The following CDC5L variants were observed in gnomAD, a reference collection of about 807,000 sequenced individuals.
CDC5L encodes the protein cell division cycle 5-like protein.
CDC5L carries 18 observed loss-of-function variants against 104.1 expected under a neutral mutation model. That is an observed-to-expected ratio of 0.17 (90% CI 0.12 to 0.26). CDC5L has a LOEUF of 0.26. CDC5L is among the 10% of genes least tolerant of loss of function. The pLI, the probability that CDC5L is intolerant of heterozygous loss-of-function variation, is 1.00. For missense variants in CDC5L, 673 were observed against 956.9 expected (o/e 0.70, Z 3.91); for synonymous variants, 331 against 322.7 (o/e 1.03, Z -0.28).
At position 44,392,657 on chromosome 6, in the gene CDC5L, T is replaced by C. The variant is rs773498082; in HGVS notation, c.150-10T>C. 5.0e-6 allele frequency: 8 copies of C among 1,611,708 alleles called. No individual in the cohort carries two copies. Among genetic ancestry groups the C allele is most frequent in the African/African-American group, 1.3e-5 (1 of 74,792 alleles). ...ACTGATTAATATATAAAATGATCTATGTTTAATAGGTATGAATGGCTGGAT... is the reference window on the plus strand; with the variant it reads ...ACTGATTAATATATAAAATGATCTACGTTTAATAGGTATGAATGGCTGGAT... On this transcript the variant is annotated splice_polypyrimidine_tract_variant and intron_variant, in intron 2 of 15. Coordinates refer to ENST00000371477, the MANE Select transcript of CDC5L (RefSeq NM_001253.4).
intron 5 of CDC5L, among the ~76,000 whole-genome samples, chr6:44,398,820 A>G (rs1581643997): frequency 3.3e-5 from 5 of 152,362 alleles, no homozygotes; most frequent in Admixed American, 3.3e-4. Flanking sequence ...CTCTCTCAAC[A>G]TAGATGTGCA....
At position 44,422,789 on chromosome 6, in the gene CDC5L, C is replaced by T. The variant is rs745967167; in HGVS notation, c.1384C>T (p.Pro462Ser). 3.7e-6 allele frequency: 6 copies of T among 1,610,618 alleles called. No homozygotes were observed. Among genetic ancestry groups the T allele is most frequent in the Middle Eastern group, 3.4e-4 (2 of 5,850 alleles). Residue 462 changes from proline to serine, a missense_variant, in exon 10 of 16, where the codon CCC becomes TCC. Transcript: ENST00000371477. ...GGATGGAATGGCAGACTATAGTGAT[C>T]CCTCTTACGTGAAGCAGATGGTAAA... is the stretch of plus-strand genomic sequence containing the variant. ...PEDGMADYSD[P>S]SYVKQMERES...
At chr6:44,400,032 T>C (rs1297216702) in intron 5 of CDC5L, among the ~76,000 whole-genome samples, 2 of 152,184 alleles carry the variant, frequency 1.3e-5, no homozygotes, top group Non-Finnish European at 2.9e-5. Context: ...ATAAGCTTTG[T>C]GCTTTTGAAT....
Position 44,446,664 on chromosome 6 carries a change from T to G in CDC5L, c.2362T>G (p.Tyr788Asp). The G allele has an allele frequency of 1.3e-6, 2 of 1,598,198 alleles. No individual in the cohort carries two copies. Among genetic ancestry groups the G allele is most frequent in the Non-Finnish European group, 1.7e-6 (2 of 1,172,456 alleles). Residue 788 changes from tyrosine (Y) to aspartate (D), a missense_variant, in exon 16 of 16, where the codon TAT becomes GAT. Tyr to Asp is a radical substitution (Grantham distance 160). Around this residue, in one of 4 missense-constraint regions of CDC5L, gnomAD observed 578 missense variants for 737.0 expected, o/e 0.78. Coordinates refer to ENST00000371477, the MANE Select transcript of CDC5L (RefSeq NM_001253.4). ...AAGAGAAAAGGAACTTCAACATAGA[T>G]ATGCTGATTTGCTGCTGGAGAAAGA... ...QEREKELQHRYADLLLEKETL... is the reference protein window; with the variant it reads ...QEREKELQHRDADLLLEKETL...
intron 8 of CDC5L, among the ~76,000 whole-genome samples, chr6:44,417,942 C>G (rs1791978118): frequency 6.6e-6 from 1 of 152,218 alleles, no homozygotes; most frequent in Non-Finnish European, 1.5e-5. Context: ...TGTGAGGCCA[C>G]AAAAGCACAC....
Position 44,445,835 on chromosome 6 carries a change from C to T in CDC5L, c.2272C>T (p.His758Tyr). 6.2e-7 allele frequency: 1 copy of T among 1,613,792 alleles called. No individual in the cohort carries two copies. The highest frequency in any genetic ancestry group is 8.5e-7 in the Non-Finnish European group (1 of 1,179,774). The change falls in exon 15 of 16, where the codon CAT (histidine) becomes TAT (tyrosine). Residue 758 changes from histidine to tyrosine, a missense_variant. Physicochemically the swap from His to Tyr is moderately conservative, Grantham distance 83 (BLOSUM62 2). Around this residue, in one of 4 missense-constraint regions of CDC5L, gnomAD observed 578 missense variants for 737.0 expected, o/e 0.78. Transcript: ENST00000371477. ...ACGCACTTTTGAAGAACTCAAGAAACATGAAGATTCTGCTATTCCCCGGAG... is the reference window on the plus strand; with the variant it reads ...ACGCACTTTTGAAGAACTCAAGAAATATGAAGATTCTGCTATTCCCCGGAG... ...ELRTFEELKK[H>Y]EDSAIPRRLE...
chr6:44,437,395 A>T (rs1330822279), intron 14 of CDC5L, among the ~76,000 whole-genome samples: 1 of 152,244 alleles, frequency 6.6e-6, no homozygotes, highest in Non-Finnish European at 1.5e-5. Context: ...TTCAACTTGA[A>T]TATTAAAAGC....
intron 8 of CDC5L, among the ~76,000 whole-genome samples, chr6:44,408,842 T>G (rs1340499951): frequency 6.6e-6 from 1 of 152,204 alleles, no homozygotes; most frequent in African/African-American, 2.4e-5. Context: ...TTATTAAAAT[T>G]CGTAATTTTT....
At position 44,448,239 on chromosome 6, in the gene CDC5L, A is replaced by G. The variant is rs1022947169; in HGVS notation, c.*1528A>G. ...GTTTGAGGAACAAAAAGGACAATGCAGCTAGAGTGTCAAGAATGGCATTTC... is the reference window on the plus strand; with the variant it reads ...GTTTGAGGAACAAAAAGGACAATGCGGCTAGAGTGTCAAGAATGGCATTTC... On this transcript the variant is annotated 3_prime_UTR_variant, in exon 16 of 16. Transcript: ENST00000371477. The G allele has an allele frequency of 6.6e-6, 1 of 152,232 alleles. No homozygotes were observed. Among genetic ancestry groups the G allele is most frequent in the Admixed American group, 6.5e-5 (1 of 15,286 alleles). The allele number at this position is 152,232 out of a possible 1,614,324, so 9.4% of individuals were successfully genotyped here. A position where few individuals can be genotyped will look rare whatever the true frequency, so the allele number is the denominator to read the frequency against.
intron 14 of CDC5L, among the ~76,000 whole-genome samples, chr6:44,438,836 T>A (rs1269773135): frequency 6.6e-6 from 1 of 152,142 alleles, no homozygotes; most frequent in Admixed American, 6.5e-5. Flanking sequence ...TTTCTACTCC[T>A]TGTATACCTT....
At chr6:44,428,938 T>C (rs1232894948) in intron 13 of CDC5L, among the ~76,000 whole-genome samples, 1 of 151,904 alleles carries the variant, frequency 6.6e-6, no homozygotes, top group Admixed American at 6.6e-5. Context: ...TGGTGCCATT[T>C]GTATTCTGCC....
At chr6:44,410,785 A>G (rs913164312) in intron 8 of CDC5L, among the ~76,000 whole-genome samples, 1 of 152,106 alleles carries the variant, frequency 6.6e-6, no homozygotes, top group African/African-American at 2.4e-5. Flanking sequence ...CCAGAGACTC[A>G]TGGCCTTCAA....
intron 7 of CDC5L, 120 bp from the exon 8 acceptor site, chr6:44,408,324 A>G (rs528119693): frequency 1.7e-6 from 1 of 590,660 alleles, no homozygotes; most frequent in Middle Eastern, 3.2e-4. Flanking sequence ...TAGGTCCCGA[A>G]CTCCTGGGCT....
rs1792434547 is a variant in CDC5L at position 44,426,615 on chromosome 6, C to G, written c.1784C>G (p.Ser595Cys). The change falls in exon 13 of 16, where the codon TCT becomes TGT. Residue 595 changes from serine to cysteine, a missense_variant. Around this residue, in one of 4 missense-constraint regions of CDC5L, gnomAD observed 578 missense variants for 737.0 expected, o/e 0.78. Coordinates refer to ENST00000371477, the MANE Select transcript of CDC5L (RefSeq NM_001253.4). ...CTTCTACATCACCCTTATGAACCAT[C>G]TGGAAATAAAAAAGGCAAAACTGTA... is the stretch of plus-strand genomic sequence containing the variant. ...YDLLHHPYEP[S>C]GNKKGKTVGF... The G allele has an allele frequency of 1.9e-6, 3 of 1,613,372 alleles. No individual in the cohort carries two copies. Among genetic ancestry groups the G allele is most frequent in the Non-Finnish European group, 2.5e-6 (3 of 1,179,692 alleles).
intron 8 of CDC5L, among the ~76,000 whole-genome samples, chr6:44,409,552 T>A (rs1791536098): frequency 6.6e-6 from 1 of 152,252 alleles, no homozygotes; most frequent in South Asian, 2.1e-4. Context: ...ACCATTGTAC[T>A]TTGTGGTATA....
At position 44,448,942 on chromosome 6, in the gene CDC5L, GCATT is replaced by G. The variant is rs1425058724; in HGVS notation, c.*2235_*2238del. On this transcript the variant is annotated 3_prime_UTR_variant, in exon 16 of 16. Coordinates refer to ENST00000371477, the MANE Select transcript of CDC5L (RefSeq NM_001253.4). ...GTATACCATTTGGGCATCTATTAAA[GCATT>G]CATATAATTGTTCTCATTTGATGTT... The G allele has an allele frequency of 2.0e-5, 3 of 152,134 alleles. No homozygotes were observed. The highest frequency in any genetic ancestry group is 7.2e-5 in the African/African-American group (3 of 41,430). 9.4% of individuals were successfully genotyped at this position (152,134 alleles called of 1,614,324 possible).
chr6:44,426,126 A>G lies in CDC5L; in HGVS notation c.1593A>G (p.Val531=), dbSNP rs1279694440. The G allele has an allele frequency of 1.2e-6, 2 of 1,608,286 alleles. No homozygotes were observed. The highest frequency in any genetic ancestry group is 1.3e-5 in the African/African-American group (1 of 74,286). Residue 531 remains valine (V), a synonymous_variant, in exon 12 of 16, where the codon GTA becomes GTG. Coordinates refer to ENST00000371477, the MANE Select transcript of CDC5L (RefSeq NM_001253.4). ...RKQAIRDAER[V]KEMKRMHKAV... is the part of the protein sequence containing the mutation. ...AGGCCATACGAGATGCAGAGCGTGT[A>G]AAGGAAATGAAACGAATGCATAAAG...
chr6:44,393,576 A>T lies in CDC5L; in HGVS notation c.439+3A>T, dbSNP rs866735924. On this transcript the variant is annotated splice_donor_region_variant and intron_variant, in intron 4 of 15. Transcript: ENST00000371477. ...TGATCCAATTGATATGGATGAGGGT[A>T]AGTGTATGCTTTGAGGAATTTATTT... is the stretch of plus-strand genomic sequence containing the variant. 6.2e-7 allele frequency: 1 copy of T among 1,611,058 alleles called. No homozygotes were observed. The highest frequency in any genetic ancestry group is 8.5e-7 in the Non-Finnish European group (1 of 1,178,810).
rs1237371802 is a variant in CDC5L, at chr6:44,426,621, A to G, written c.1790A>G (p.Asn597Ser). 1.2e-6 allele frequency: 2 copies of G among 1,613,686 alleles called. No individual in the cohort carries two copies. Among genetic ancestry groups the G allele is most frequent in the South Asian group, 2.2e-5 (2 of 91,074 alleles). Residue 597 changes from asparagine to serine, a missense_variant, in exon 13 of 16, where the codon AAT becomes AGT. By Grantham distance (46) the Asn-to-Ser change is conservative. Transcript: ENST00000371477. ...LLHHPYEPSG[N>S]KKGKTVGFGT... is the part of the protein sequence containing the mutation. ...CATCACCCTTATGAACCATCTGGAA[A>G]TAAAAAAGGCAAAACTGTAGGGTTT...
Sources: allele counts gnomAD v4.1 joint callset (sites outside exome capture counted in the v4.1 genomes callset), GRCh38; gene constraint gnomAD v4.1.1; regional missense constraint gnomAD v4.1.1; transcripts MANE v1.5; gene names NCBI Gene and HGNC (gene_info 2026-07-23, HGNC 2026-07-21).